Variants in MCUB observed in about 807,000 individuals in gnomAD.
MCUB encodes calcium uniporter regulatory subunit MCUb, mitochondrial.
In MCUB, 46 loss-of-function variants were observed where a neutral mutation model predicts 41.4. The observed-to-expected ratio is 1.11, with a 90% CI of 0.88 to 1.42. MCUB has a LOEUF of 1.42. MCUB is among the 40% of genes most tolerant of loss of function. The pLI, the probability that MCUB is intolerant of heterozygous loss-of-function variation, is 0.00. For synonymous variants in MCUB, 148 were observed against 148.2 expected (o/e 1.00, Z 0.01); for missense variants, 403 against 404.9 (o/e 1.00, Z 0.04).
rs569928799 is a variant in MCUB at position 109,599,858 on chromosome 4, T to G, written c.99+39422T>G. On this transcript the variant is annotated intron_variant, in intron 1 of 7. Transcript: ENST00000394650. ...TAATTTTCTGTATTTTTAGTAGAGA[T>G]AGGGTTTCACCATGTTGGTCAGGCT... is the stretch of plus-strand genomic sequence containing the variant. 1.7e-4 allele frequency among the ~76,000 whole-genome samples: 26 copies of G among 152,090 alleles called. No homozygotes were observed. In the South Asian group the frequency reaches 1.9e-3, roughly 11 times the overall value.
intron 7 of MCUB, among the ~76,000 whole-genome samples, chr4:109,686,020 A>G (rs1486052203): frequency 6.6e-6 from 1 of 152,216 alleles, no homozygotes; most frequent in Non-Finnish European, 1.5e-5. Context: ...CCATTGCTCA[A>G]TGCATGCTTG....
intron 1 of MCUB, among the ~76,000 whole-genome samples, chr4:109,645,727 G>T (rs1728820765): frequency 1.3e-5 from 2 of 152,080 alleles, no homozygotes; most frequent in Non-Finnish European, 2.9e-5. Context: ...CACTGTGCAT[G>T]CTCTTACCAC....
intron 1 of MCUB, among the ~76,000 whole-genome samples, chr4:109,577,598 CTTTTTTTTTTTTTTTTTT>C (rs71594195): frequency 0.04 from 1,942 of 48,698 alleles, 620 homozygotes; most frequent in African/African-American, 0.14. Context: ...TACTTGAATT[CTTTTTTTTTTTTTTTTTT>C]TTTTTTTTTT....
At chr4:109,683,600 TTC>T (rs1287186654) in intron 5 of MCUB, among the ~76,000 whole-genome samples, 1 of 152,244 alleles carries the variant, frequency 6.6e-6, no homozygotes, top group Non-Finnish European at 1.5e-5. Context: ...TCTTATTTTA[TTC>T]TCTTTCTCAG....
In MCUB at chr4:109,632,750, G is replaced by A. The variant is rs542296120; in HGVS notation, c.100-26261G>A. Among the ~76,000 whole-genome samples, 3 of 151,942 alleles carry A rather than the reference G, an allele frequency of 2.0e-5. No individual in the cohort carries two copies. The South Asian group carries it at 6.3e-4, about 32-fold the overall frequency. On this transcript the variant is annotated intron_variant, in intron 1 of 7. Coordinates refer to ENST00000394650, the MANE Select transcript of MCUB (RefSeq NM_017918.5). ...TTGCCTCAGCCTCCCAAGTAGCTGG[G>A]ACTATAGATGCACACCACCATGCCT... is the stretch of plus-strand genomic sequence containing the variant.
At chr4:109,568,761 A>G (rs571799343) in intron 1 of MCUB, among the ~76,000 whole-genome samples, 8 of 152,178 alleles carry the variant, frequency 5.3e-5, no homozygotes, top group Non-Finnish European at 7.3e-5. Context: ...ATTCTCAGCA[A>G]TCTGTGGTCG....
chr4:109,587,581 G>A (rs963299797), intron 1 of MCUB, among the ~76,000 whole-genome samples: 12 of 152,082 alleles, frequency 7.9e-5, no homozygotes, highest in African/African-American at 2.2e-4. Context: ...GTTCCTATTC[G>A]TCCATCTTGG....
Position 109,684,526 on chromosome 4 carries a change from T to TG in MCUB, c.700dup (p.Ala234GlyfsTer47), listed in dbSNP as rs1385399128. ...GATTGGCACTGCTGTCCATTCAGGG[T>TG]GGGGCACTGGCCTGGCTCACGTGGT... On this transcript the variant is annotated frameshift_variant, in exon 6 of 8. Transcript: ENST00000394650. LOFTEE classifies it high-confidence loss of function. 1 of 1,613,762 alleles carries TG rather than the reference T, an allele frequency of 6.2e-7. No homozygotes were observed. Among genetic ancestry groups the TG allele is most frequent in the Non-Finnish European group, 8.5e-7 (1 of 1,179,742 alleles).
intron 1 of MCUB, among the ~76,000 whole-genome samples, chr4:109,608,369 C>T (rs1405726710): frequency 6.6e-6 from 1 of 152,122 alleles, no homozygotes; most frequent in East Asian, 1.9e-4. Context: ...TCATGTATCT[C>T]TGTTTCTTCA....
intron 6 of MCUB, chr4:109,685,036 C>T: frequency 2.4e-6 from 1 of 414,716 alleles, no homozygotes; most frequent in Non-Finnish European, 4.3e-6. Context: ...TGTAATTTCT[C>T]TTCCCAGCTT....
Position 109,651,462 on chromosome 4 carries a change from G to C in MCUB, c.100-7549G>C, listed in dbSNP as rs149811175. Among the ~76,000 whole-genome samples, 4 of 152,300 alleles carry C rather than the reference G, an allele frequency of 2.6e-5. No individual in the cohort carries two copies. In the East Asian group the frequency reaches 5.8e-4, roughly 22 times the overall value. Reference sequence around the variant, plus strand: ...ATCTGGTGCCAAGAGCTAGATGCTAGATGTTATTAGAAGTGCCACTGCTCA... The same window carrying C: ...ATCTGGTGCCAAGAGCTAGATGCTACATGTTATTAGAAGTGCCACTGCTCA... On this transcript the variant is annotated intron_variant, in intron 1 of 7. Transcript: ENST00000394650.
At chr4:109,581,361 C>T (rs1442356363) in intron 1 of MCUB, among the ~76,000 whole-genome samples, 1 of 152,194 alleles carries the variant, frequency 6.6e-6, no homozygotes, top group Non-Finnish European at 1.5e-5. Flanking sequence ...CCCTTCCTTA[C>T]ACCTTATAGA....
At chr4:109,603,525 A>G (rs994714082) in intron 1 of MCUB, among the ~76,000 whole-genome samples, 38 of 147,960 alleles carry the variant, frequency 2.6e-4, no homozygotes, top group Non-Finnish European at 3.4e-4. Context: ...CACCCCGTCT[A>G]GGAAGTGAGG....
intron 1 of MCUB, among the ~76,000 whole-genome samples, chr4:109,600,733 T>C (rs1727711309): frequency 6.6e-6 from 1 of 152,168 alleles, no homozygotes. Context: ...TGGGCTAGAA[T>C]TGAGAGGCCT....
chr4:109,653,287 G>A (rs1326118467), intron 1 of MCUB, among the ~76,000 whole-genome samples: 3 of 151,896 alleles, frequency 2.0e-5, no homozygotes, highest in African/African-American at 7.3e-5. Context: ...GCTGAGGCAG[G>A]AGAATCACTT....
At chr4:109,673,636 G>A (rs1729508502) in intron 4 of MCUB, among the ~76,000 whole-genome samples, 1 of 152,148 alleles carries the variant, frequency 6.6e-6, no homozygotes, top group Admixed American at 6.5e-5. Context: ...CAAATTTGGA[G>A]TTTTCAAAAA....
At chr4:109,602,497 C>T (rs151168655) in intron 1 of MCUB, among the ~76,000 whole-genome samples, 121 of 152,200 alleles carry the variant, frequency 8.0e-4, no homozygotes, top group African/African-American at 2.9e-3. Context: ...GTTCTTGGCA[C>T]CTTTGTTGAA....
At chr4:109,567,500 CTGGTCTCT>C (rs1554014964) in intron 1 of MCUB, among the ~76,000 whole-genome samples, 2 of 68,802 alleles carry the variant, frequency 2.9e-5, no homozygotes, top group Non-Finnish European at 5.1e-5. Context: ...GAAACCAAAC[CTGGTCTCT>C]ACTAAAATAC....
At chr4:109,583,091 T>A (rs60434260) in intron 1 of MCUB, among the ~76,000 whole-genome samples, 29,130 of 152,112 alleles carry the variant, frequency 0.19, 3,858 homozygotes, top group African/African-American at 0.37. Flanking sequence ...TTTTTCCAAT[T>A]CTGTGAAGAA....
Sources: gnomAD v4.1 joint callset for allele counts (sites outside exome capture counted in the v4.1 genomes callset) on GRCh38, gnomAD v4.1.1 for gene constraint, MANE v1.5 for transcripts, NCBI Gene and HGNC (gene_info 2026-07-23, HGNC 2026-07-21) for gene names.